Variants in XPNPEP1 observed in about 807,000 individuals in gnomAD.
XPNPEP1 encodes xaa-Pro aminopeptidase 1.
Under a neutral mutation model 92.4 loss-of-function variants are expected in XPNPEP1, and 39 were observed. That is an observed-to-expected ratio of 0.42 (90% CI 0.33 to 0.55). The LOEUF (loss-of-function observed/expected upper bound fraction) is 0.55. Among genes scored for constraint, XPNPEP1 ranks in the 20% least tolerant of loss-of-function variants. The probability of loss-of-function intolerance (pLI) is 0.08; values close to 1 mark genes in which losing one functional copy is unlikely to be tolerated. For synonymous variants in XPNPEP1, 307 were observed against 299.4 expected, an observed-to-expected ratio of 1.03 and a Z score of -0.26; for missense variants, 654 against 856.1, an observed-to-expected ratio of 0.76 and a Z score of 2.95.
At chr10:109,870,102 C>T in intron 18 of XPNPEP1, 73 bp from the exon 19 acceptor site, 1 of 1,497,596 alleles carries the variant, frequency 6.7e-7, no homozygotes. Context: ...ACTTTCACTC[C>T]TTGGATGACT....
intron 2 of XPNPEP1, 150 bp downstream of exon 2, chr10:109,914,861 A>C (rs1290511192): frequency 6.8e-6 from 3 of 438,032 alleles, no homozygotes; most frequent in Middle Eastern, 5.9e-4. Context: ...GAAGCCAAAA[A>C]ATAAAATGGT....
intron 2 of XPNPEP1, among the ~76,000 whole-genome samples, chr10:109,911,051 C>T (rs958400488): frequency 1.3e-5 from 2 of 152,238 alleles, no homozygotes; most frequent in African/African-American, 4.8e-5. Flanking sequence ...TTATGGTGAT[C>T]TCCAATAGAA....
chr10:109,896,341 C>A (rs1848989290), intron 3 of XPNPEP1, among the ~76,000 whole-genome samples: 1 of 147,118 alleles, frequency 6.8e-6, no homozygotes, highest in Non-Finnish European at 1.5e-5. Flanking sequence ...TGTGGTGACA[C>A]AATTATGGCT....
intron 2 of XPNPEP1, among the ~76,000 whole-genome samples, chr10:109,914,098 A>C (rs987114975): frequency 1.8e-4 from 27 of 152,082 alleles, no homozygotes; most frequent in Non-Finnish European, 2.8e-4. Context: ...AAAAAAAAAA[A>C]ACACATGGTT....
intron 5 of XPNPEP1, 162 bp downstream of exon 5, chr10:109,891,560 C>T (rs776753663): frequency 9.7e-6 from 5 of 513,500 alleles, no homozygotes; most frequent in Non-Finnish European, 1.3e-5. Flanking sequence ...CACATTGGTA[C>T]GTATGTATAG....
Position 109,880,844 on chromosome 10 carries a change from G to C in XPNPEP1, c.1129C>G (p.His377Asp). The stretch of plus-strand genomic sequence containing the variant: ...TCTGCACCAGCTCCTCTACTCACGT[G>C]AGCCCGCCTCATGCCTTCTGACTCA... ...SAESEGMRRA[H>D]IKDAVALCEL... Residue 377 changes from histidine to aspartate, a missense_variant and splice_region_variant, in exon 11 of 21, where the codon CAC becomes GAC. Coordinates refer to ENST00000502935, the MANE Select transcript of XPNPEP1 (RefSeq NM_020383.4). The C allele has an allele frequency of 6.2e-7, 1 of 1,613,830 alleles. No homozygotes were observed. The highest frequency in any genetic ancestry group is 8.5e-7 in the Non-Finnish European group (1 of 1,179,928).
chr10:109,910,699 G>A (rs1849821226), intron 2 of XPNPEP1, among the ~76,000 whole-genome samples: 1 of 152,138 alleles, frequency 6.6e-6, no homozygotes, highest in African/African-American at 2.4e-5. Context: ...TTGTTTCCAG[G>A]TTCTGGTAAT....
chr10:109,873,503 A>C, intron 15 of XPNPEP1, 76 bp from the exon 16 acceptor site: 1 of 1,563,122 alleles, frequency 6.4e-7, no homozygotes. Flanking sequence ...AAGCATGTGG[A>C]CAAGTGAGAA....
chr10:109,903,851 T>C (rs1216858022), intron 3 of XPNPEP1, among the ~76,000 whole-genome samples: 2 of 150,466 alleles, frequency 1.3e-5, no homozygotes, highest in Non-Finnish European at 2.9e-5. Flanking sequence ...CAATCTTTTT[T>C]TTTTTTTTTT....
In XPNPEP1 at chr10:109,882,560, T is replaced by C. The variant is rs1186365092; in HGVS notation, c.913A>G (p.Arg305Gly). The change falls in exon 10 of 21, where the codon AGG (arginine) becomes GGG (glycine). Residue 305 changes from arginine to glycine, a missense_variant. Coordinates refer to ENST00000502935, the MANE Select transcript of XPNPEP1 (RefSeq NM_020383.4). ...GACTTGTAGGGATGCACCTGGATCC[T>C]GTATTCGGCTTCCAGACCCAAGTCA... ...LLDLGLEAEY[R>G]IQVHPYKSIL... 1 of 1,614,216 alleles carries C rather than the reference T, an allele frequency of 6.2e-7. No individual in the cohort carries two copies. The highest frequency in any genetic ancestry group is 1.7e-5 in the Admixed American group (1 of 60,036).
At chr10:109,875,845 C>A in intron 14 of XPNPEP1, 1 of 392,582 alleles carries the variant, frequency 2.5e-6, no homozygotes, top group South Asian at 3.2e-5. Context: ...TAACACATTT[C>A]TTTATGTCTA....
chr10:109,897,637 A>G (rs1235081472), intron 3 of XPNPEP1, among the ~76,000 whole-genome samples: 1 of 151,710 alleles, frequency 6.6e-6, no homozygotes, highest in East Asian at 1.9e-4. Flanking sequence ...TGGCAGAACC[A>G]AGATCTGAAC....
chr10:109,895,111 G>C (rs981310952), intron 3 of XPNPEP1, among the ~76,000 whole-genome samples: 2 of 152,162 alleles, frequency 1.3e-5, no homozygotes, highest in African/African-American at 2.4e-5. Context: ...AGACATCTAA[G>C]GGGCTGGGAA....
At position 109,923,383 on chromosome 10, in the gene XPNPEP1, G is replaced by A. The variant is rs1395663467; in HGVS notation, c.32+19C>T. 7.0e-7 allele frequency: 1 copy of A among 1,431,686 alleles called. No individual in the cohort carries two copies. The highest frequency in any genetic ancestry group is 9.2e-7 in the Non-Finnish European group (1 of 1,091,858). The allele number at this position is 1,431,686 out of a possible 1,614,324, so 88.7% of individuals were successfully genotyped here. ...GCTGCACGCTGCCCGGACGCCGGCT[G>A]CCGGCGGAGTGCCCTCACCTTACTC... On this transcript the variant is annotated intron_variant, in intron 1 of 20. Transcript: ENST00000502935.
chr10:109,883,141 C>G (rs1034249340), intron 9 of XPNPEP1, among the ~76,000 whole-genome samples: 10 of 152,230 alleles, frequency 6.6e-5, no homozygotes, highest in Admixed American at 1.3e-4. Context: ...AGAACCCAAG[C>G]TCCTGAATGT....
intron 1 of XPNPEP1, among the ~76,000 whole-genome samples, chr10:109,918,867 GGAAGGAA>G (rs1850355155): frequency 4.3e-5 from 2 of 46,088 alleles, no homozygotes; most frequent in African/African-American, 1.1e-4. Flanking sequence ...AGGGAAGGAA[GGAAGGAA>G]GGAAGGAAGG....
At chr10:109,903,125 T>C (rs548736421) in intron 3 of XPNPEP1, among the ~76,000 whole-genome samples, 26 of 152,304 alleles carry the variant, frequency 1.7e-4, no homozygotes, top group African/African-American at 6.3e-4. Flanking sequence ...TGTCGGTGTC[T>C]CCTACTAGTA....
rs1176570618 is a variant in XPNPEP1, at chr10:109,923,502, C to T, written c.-69G>A. The T allele has an allele frequency of 7.9e-6, 10 of 1,264,690 alleles. No individual in the cohort carries two copies. The highest frequency in any genetic ancestry group is 3.8e-5 in the East Asian group (1 of 26,302). The allele number at this position is 1,264,690 out of a possible 1,614,324, so 78.3% of individuals were successfully genotyped here. ...AGCTGATCACCCGCGGAAGGGCCGG[C>T]GCGAAGGAGGCGCGAGAGCCGGCGG... On this transcript the variant is annotated 5_prime_UTR_variant, in exon 1 of 21. Transcript: ENST00000502935.
chr10:109,897,105 C>T (rs181557922), intron 3 of XPNPEP1, among the ~76,000 whole-genome samples: 113 of 152,350 alleles, frequency 7.4e-4, no homozygotes, highest in African/African-American at 2.6e-3. Context: ...GCAGCTCCTA[C>T]TCAGCTCTGA....
Sources: allele counts gnomAD v4.1 joint callset (sites outside exome capture counted in the v4.1 genomes callset), GRCh38; gene constraint gnomAD v4.1.1; transcripts MANE v1.5; gene names NCBI Gene and HGNC (gene_info 2026-07-23, HGNC 2026-07-21).